Variants in NECTIN1 observed in about 807,000 individuals in gnomAD.
NECTIN1 encodes nectin cell adhesion molecule 1.
In NECTIN1, 23 loss-of-function variants were observed where a neutral mutation model predicts 48.0. The observed-to-expected ratio is 0.48, with a 90% CI of 0.34 to 0.68. The LOEUF (loss-of-function observed/expected upper bound fraction) is 0.68, where lower values mean the gene tolerates loss of function less well. Ranked by LOEUF, NECTIN1 falls within the 30% of genes least tolerant of loss-of-function variation. NECTIN1 has a pLI of 0.01. For missense variants in NECTIN1, 591 were observed against 709.9 expected (o/e 0.83, Z 1.90); for synonymous variants, 270 against 288.9 (o/e 0.93, Z 0.66).
intron 5 of NECTIN1, among the ~76,000 whole-genome samples, chr11:119,648,787 G>A (rs982833375): frequency 7.9e-5 from 12 of 151,944 alleles, no homozygotes; most frequent in Non-Finnish European, 1.6e-4. Flanking sequence ...CCACTGCACA[G>A]GGACTCCCCA....
intron 4 of NECTIN1, among the ~76,000 whole-genome samples, chr11:119,675,936 G>A (rs1470165177): frequency 1.3e-5 from 2 of 152,018 alleles, no homozygotes; most frequent in African/African-American, 4.8e-5. Context: ...AACCTGGGAG[G>A]CGGAGGTTGC....
rs959732081 is a variant in NECTIN1, at chr11:119,663,317, G to T, written c.*1430C>A. The T allele has an allele frequency of 3.0e-6, 3 of 985,358 alleles. No individual in the cohort carries two copies. The highest frequency in any genetic ancestry group is 3.6e-6 in the Non-Finnish European group (3 of 829,986). 61.0% of individuals were successfully genotyped at this position (985,358 alleles called of 1,614,324 possible). A position where few individuals can be genotyped will look rare whatever the true frequency, so the allele number is the denominator to read the frequency against. On this transcript the variant is annotated 3_prime_UTR_variant, in exon 6 of 6. Coordinates refer to ENST00000264025, the MANE Select transcript of NECTIN1 (RefSeq NM_002855.5). ...TGGGGGACTGAGAGGGCTGGGAGGG[G>T]TCTTCCTCCATTATATACATGGGAA... is the stretch of plus-strand genomic sequence containing the variant.
intron 1 of NECTIN1, among the ~76,000 whole-genome samples, chr11:119,720,260 C>T (rs76871469): frequency 1.1e-4 from 16 of 152,358 alleles, no homozygotes; most frequent in East Asian, 5.8e-4. Flanking sequence ...CCACAAGACG[C>T]GGGGACTGAG....
At position 119,683,605 on chromosome 11, in the gene NECTIN1, TGTGTGG is replaced by T. The variant is rs1356378104; in HGVS notation, c.80-4846_80-4841del. 7.4e-6 allele frequency among the ~76,000 whole-genome samples: 1 copy of T among 136,014 alleles called. No individual in the cohort carries two copies. Among genetic ancestry groups the T allele is most frequent in the Admixed American group, 7.7e-5 (1 of 13,030 alleles). 89.2% of individuals were successfully genotyped at this position (136,014 alleles called of 152,430 possible). On this transcript the variant is annotated intron_variant, in intron 1 of 5. Coordinates refer to ENST00000264025, the MANE Select transcript of NECTIN1 (RefSeq NM_002855.5). This position sits in a 1 kb window ranked among gnomAD's most constrained non-coding sequence, Gnocchi z 4.0. ...GTGTGTGTGTGTGTGTGTGTGTGTG[TGTGTGG>T]GCACTTGCAGGAGGCTGCTATGTGC... is the stretch of plus-strand genomic sequence containing the variant.
intron 1 of NECTIN1, among the ~76,000 whole-genome samples, chr11:119,679,515 C>A (rs1416581715): frequency 6.6e-6 from 1 of 152,168 alleles, no homozygotes; most frequent in Non-Finnish European, 1.5e-5. Flanking sequence ...GCCTTCACAG[C>A]CAAATGTAAA....
intron 4 of NECTIN1, chr11:119,675,705 C>T (rs2135549932): frequency 4.2e-6 from 1 of 237,952 alleles, no homozygotes; most frequent in Non-Finnish European, 8.5e-6. Flanking sequence ...TCCTGGGCAG[C>T]TGGTTAATAA....
chr11:119,728,457 A>G lies in NECTIN1; in HGVS notation c.79+18T>C. Reference sequence around the variant, plus strand: ...GGCATTGGATGGGGGTGGGGACAGCAGAGGTGAGCGCTCTTACCTGGGAGG... The same window carrying G: ...GGCATTGGATGGGGGTGGGGACAGCGGAGGTGAGCGCTCTTACCTGGGAGG... On this transcript the variant is annotated intron_variant, in intron 1 of 5. Transcript: ENST00000264025. The G allele has an allele frequency of 6.3e-7, 1 of 1,591,286 alleles. No homozygotes were observed. The highest frequency in any genetic ancestry group is 8.5e-7 in the Non-Finnish European group (1 of 1,169,956).
chr11:119,665,949 G>A lies in NECTIN1; in HGVS notation c.1004-652C>T, dbSNP rs1864761576. ...AGGGCACAGGGAAAACAGGTTCCCA[G>A]GCACTGGCTCAGGAGATGCCCCGTG... On this transcript the variant is annotated intron_variant, in intron 5 of 5. Transcript: ENST00000264025. The surrounding 1 kb of genome is among the most constrained non-coding windows in gnomAD (Gnocchi z 5.1). Among the ~76,000 whole-genome samples, 2 of 152,176 alleles carry A rather than the reference G, an allele frequency of 1.3e-5. No homozygotes were observed. The highest frequency in any genetic ancestry group is 2.9e-5 in the Non-Finnish European group (2 of 68,026).
At chr11:119,714,145 G>T (rs1865708434) in intron 1 of NECTIN1, among the ~76,000 whole-genome samples, 1 of 152,174 alleles carries the variant, frequency 6.6e-6, no homozygotes, top group Non-Finnish European at 1.5e-5. Flanking sequence ...GGCAGGAGCG[G>T]CAGCCTCTGG....
intron 1 of NECTIN1, among the ~76,000 whole-genome samples, chr11:119,682,214 G>A (rs1238909417): frequency 6.6e-6 from 1 of 152,170 alleles, no homozygotes; most frequent in Non-Finnish European, 1.5e-5. Flanking sequence ...TAACAGGCGG[G>A]TTAGAATGTT....
rs1394886511 is a variant in NECTIN1 at position 119,664,693 on chromosome 11, G to A, written c.*54C>T. 2.7e-5 allele frequency: 41 copies of A among 1,493,006 alleles called. No individual in the cohort carries two copies. The highest frequency in any genetic ancestry group is 4.1e-5 in the Admixed American group (2 of 48,736). The allele number at this position is 1,493,006 out of a possible 1,614,324, so 92.5% of individuals were successfully genotyped here. A position where few individuals can be genotyped will look rare whatever the true frequency, so the allele number is the denominator to read the frequency against. On this transcript the variant is annotated 3_prime_UTR_variant, in exon 6 of 6. Transcript: ENST00000264025. ...GGGAGGTGGGGGGTGGGCAGGGGGC[G>A]TGCGGGGAGGGGCTGGGGAGGAGCG...
chr11:119,712,284 T>C (rs897406356), intron 1 of NECTIN1, among the ~76,000 whole-genome samples: 1 of 148,900 alleles, frequency 6.7e-6, no homozygotes, highest in Admixed American at 6.9e-5. Context: ...GCCCACTCCT[T>C]CTCAGCCTCC....
At chr11:119,715,575 C>T (rs1230875984) in intron 1 of NECTIN1, among the ~76,000 whole-genome samples, 1 of 152,034 alleles carries the variant, frequency 6.6e-6, no homozygotes, top group Non-Finnish European at 1.5e-5. Context: ...AGGCTGGTCT[C>T]GAACTCCTGA....
intron 5 of NECTIN1, among the ~76,000 whole-genome samples, chr11:119,670,859 G>A (rs1276371154): frequency 1.3e-5 from 2 of 151,638 alleles, no homozygotes; most frequent in African/African-American, 2.4e-5. Flanking sequence ...GGCTGGTCTC[G>A]AACTCCTGAT....
At chr11:119,690,312 A>T (rs11217401) in intron 1 of NECTIN1, among the ~76,000 whole-genome samples, 2,693 of 152,266 alleles carry the variant, frequency 0.018, 60 homozygotes, top group African/African-American at 0.048. Context: ...TCTCCATCCA[A>T]CAACAACAAA....
chr11:119,713,962 T>A lies in NECTIN1; in HGVS notation c.79+14513A>T, dbSNP rs768707410. 50 of 432,756 alleles carry A rather than the reference T, an allele frequency of 1.2e-4. 1 individual carries two copies. The highest frequency in any genetic ancestry group is 2.0e-4 in the Non-Finnish European group (43 of 214,754). 26.8% of individuals were successfully genotyped at this position (432,756 alleles called of 1,614,324 possible). A position where few individuals can be genotyped will look rare whatever the true frequency, so the allele number is the denominator to read the frequency against. Reference sequence around the variant, plus strand: ...AACTCTAAACAGAGTCTCCTGGGCTTTGGGGGCAAGGGATGCTGCAGACCC... The same window carrying A: ...AACTCTAAACAGAGTCTCCTGGGCTATGGGGGCAAGGGATGCTGCAGACCC... On this transcript the variant is annotated intron_variant, in intron 1 of 5. Coordinates refer to ENST00000264025, the MANE Select transcript of NECTIN1 (RefSeq NM_002855.5).
At chr11:119,693,891 T>A (rs1007569954) in intron 1 of NECTIN1, among the ~76,000 whole-genome samples, 9 of 152,174 alleles carry the variant, frequency 5.9e-5, no homozygotes. Flanking sequence ...CTCTCCCCCG[T>A]GCATTTTCAC....
rs893539544 is a variant in NECTIN1 at position 119,661,469 on chromosome 11, A to C, written c.*3278T>G. 1.1e-5 allele frequency: 11 copies of C among 985,736 alleles called. No homozygotes were observed. In the African/African-American group the frequency reaches 1.9e-4, roughly 17 times the overall value. 61.1% of individuals were successfully genotyped at this position (985,736 alleles called of 1,614,324 possible). On this transcript the variant is annotated 3_prime_UTR_variant, in exon 6 of 6. Transcript: ENST00000264025. ...GCACACCCACCTGCCCCTCACTAGG[A>C]GAGGGTTTCTGTTGGCAGTCAGGCT...
intron 5 of NECTIN1, among the ~76,000 whole-genome samples, chr11:119,646,642 G>T (rs1864399695): frequency 6.6e-6 from 1 of 152,200 alleles, no homozygotes; most frequent in South Asian, 2.1e-4. Context: ...AATGCTCAGG[G>T]TCACACAGCT....
Sources: allele counts gnomAD v4.1 joint callset (sites outside exome capture counted in the v4.1 genomes callset), GRCh38; gene constraint gnomAD v4.1.1; non-coding constraint Gnocchi (gnomAD v3.1); transcripts MANE v1.5; gene names NCBI Gene and HGNC (gene_info 2026-07-23, HGNC 2026-07-21).